The following SNX14 variants were observed in gnomAD, a reference collection of about 807,000 sequenced individuals.
SNX14 encodes the protein sorting nexin-14.
Under a neutral mutation model 133.8 loss-of-function variants are expected in SNX14, and 93 were observed. That is an observed-to-expected ratio of 0.70 (90% confidence interval 0.59 to 0.83). The LOEUF (loss-of-function observed/expected upper bound fraction) is 0.83, where lower values mean the gene tolerates loss of function less well. Among genes scored for constraint, SNX14 ranks in the 40% least tolerant of loss-of-function variants. SNX14 has a pLI of 0.00. For synonymous variants in SNX14, 368 were observed against 365.6 expected (o/e 1.01, Z -0.07); for missense variants, 945 against 1,094.9 (o/e 0.86, Z 1.93).
At chr6:85,511,401 T>C (rs759581305) in intron 26 of SNX14, among the ~76,000 whole-genome samples, 58 of 152,232 alleles carry the variant, frequency 3.8e-4, no homozygotes, top group Non-Finnish European at 6.2e-4. Flanking sequence ...CTATGCTCTT[T>C]ATTTCCTTTT....
At chr6:85,523,791 T>C (rs187014894) in intron 21 of SNX14, among the ~76,000 whole-genome samples, 2 of 150,044 alleles carry the variant, frequency 1.3e-5, no homozygotes, top group East Asian at 4.0e-4. Flanking sequence ...AGTGAGAGCA[T>C]GGGAGAGAAA....
At chr6:85,547,469 G>A (rs1454732879) in intron 10 of SNX14, 37 bp downstream of exon 10, 2 of 1,602,798 alleles carry the variant, frequency 1.2e-6, no homozygotes, top group Admixed American at 3.5e-5. Flanking sequence ...AAAATTCAAT[G>A]CAATCTGAAG....
intron 2 of SNX14, among the ~76,000 whole-genome samples, 196 bp from the exon 3 acceptor site, chr6:85,572,570 A>T (rs1276360511): frequency 6.6e-6 from 1 of 152,244 alleles, no homozygotes; most frequent in Non-Finnish European, 1.5e-5. Context: ...AAAATACCAC[A>T]TGAAATGCCT....
intron 1 of SNX14, among the ~76,000 whole-genome samples, 183 bp from the exon 2 acceptor site, chr6:85,574,561 T>C (rs1297388124): frequency 6.6e-6 from 1 of 152,232 alleles, no homozygotes; most frequent in African/African-American, 2.4e-5. Context: ...TGCTATCAAA[T>C]ACATATTTCA....
intron 5 of SNX14, 121 bp from the exon 6 acceptor site, chr6:85,565,540 A>C: frequency 4.6e-6 from 3 of 645,210 alleles, no homozygotes; most frequent in Non-Finnish European, 8.1e-6. Flanking sequence ...TTTCATTTAC[A>C]AATAATACAT....
At position 85,535,500 on chromosome 6, in the gene SNX14, C is replaced by T. The variant is rs535408956; in HGVS notation, c.1608+1292G>A. On this transcript the variant is annotated intron_variant, in intron 17 of 28. Coordinates refer to ENST00000314673, the MANE Select transcript of SNX14 (RefSeq NM_153816.6). The stretch of plus-strand genomic sequence containing the variant: ...GCATGGTGGCGGGCGCCTGCAACCC[C>T]AGCTACTCAGGAGGCTGAGGCAGGA... 1.1e-4 allele frequency among the ~76,000 whole-genome samples: 16 copies of T among 151,344 alleles called. 1 individual carries two copies. The highest frequency in any genetic ancestry group is 1.1e-3 in the Admixed American group (16 of 15,176).
intron 17 of SNX14, 145 bp from the exon 18 acceptor site, chr6:85,533,945 A>C: frequency 1.4e-6 from 1 of 694,266 alleles, no homozygotes; most frequent in South Asian, 2.2e-5. Context: ...TTTTCTACTG[A>C]AAAAGTAAAG....
At chr6:85,517,223 C>G (rs765674054) in intron 23 of SNX14, among the ~76,000 whole-genome samples, 17 of 152,024 alleles carry the variant, frequency 1.1e-4, no homozygotes, top group Non-Finnish European at 1.9e-4. Flanking sequence ...AGAGTATTAA[C>G]AAAAATAAAA....
At chr6:85,587,158 G>A (rs2128237724) in intron 1 of SNX14, among the ~76,000 whole-genome samples, 1 of 152,026 alleles carries the variant, frequency 6.6e-6, no homozygotes, top group Non-Finnish European at 1.5e-5. Flanking sequence ...AGAATTACAG[G>A]CATGGGCCAC....
At chr6:85,584,537 T>G (rs1280121694) in intron 1 of SNX14, among the ~76,000 whole-genome samples, 1 of 151,780 alleles carries the variant, frequency 6.6e-6, no homozygotes, top group Admixed American at 6.6e-5. Flanking sequence ...ACAAGGAAGT[T>G]AAACAAATTT....
intron 19 of SNX14, 150 bp from the exon 20 acceptor site, chr6:85,528,512 C>T (rs1233748957): frequency 4.3e-6 from 2 of 466,118 alleles, no homozygotes; most frequent in Non-Finnish European, 7.1e-6. Context: ...TTCACAAAAC[C>T]AGAGAGCTTC....
Position 85,547,547 on chromosome 6 carries a change from T to C in SNX14, c.871A>G (p.Thr291Ala), listed in dbSNP as rs1414559119. 2 of 1,598,802 alleles carry C rather than the reference T, an allele frequency of 1.3e-6. No homozygotes were observed. The highest frequency in any genetic ancestry group is 2.7e-5 in the African/African-American group (2 of 74,178). The change falls in exon 10 of 29, where the codon ACT becomes GCT. Residue 291 changes from threonine (T) to alanine (A), a missense_variant. Physicochemically the swap from Thr to Ala is moderately conservative, Grantham distance 58. Coordinates refer to ENST00000314673, the MANE Select transcript of SNX14 (RefSeq NM_153816.6). ...PSLDFLADPD[T>A]VNHLLIIFID... ...AAGATGATAAGCAAATGATTCACAGTATCCTAGTGGAAAATAATAAACATA... is the reference window on the plus strand; with the variant it reads ...AAGATGATAAGCAAATGATTCACAGCATCCTAGTGGAAAATAATAAACATA...
At chr6:85,524,366 G>C (rs1777915836) in intron 21 of SNX14, among the ~76,000 whole-genome samples, 1 of 152,094 alleles carries the variant, frequency 6.6e-6, no homozygotes, top group South Asian at 2.1e-4. Flanking sequence ...TGTAGTGATA[G>C]GACTGAAACA....
intron 20 of SNX14, among the ~76,000 whole-genome samples, chr6:85,527,496 GTCTT>G (rs1778872642): frequency 6.6e-6 from 1 of 151,554 alleles, no homozygotes. Context: ...TAATTTAAAA[GTCTT>G]TCTTTTTGGC....
chr6:85,514,476 AAAAC>A, intron 24 of SNX14, 26 bp downstream of exon 24: 3 of 1,602,816 alleles, frequency 1.9e-6, no homozygotes, highest in Middle Eastern at 1.7e-4. Context: ...AGATGAATGA[AAAAC>A]AAGTCTTAAA....
chr6:85,519,157 C>T (rs1776000643), intron 21 of SNX14, among the ~76,000 whole-genome samples: 1 of 152,092 alleles, frequency 6.6e-6, no homozygotes, highest in African/African-American at 2.4e-5. Flanking sequence ...CATATATAAC[C>T]AAATATTTTG....
intron 18 of SNX14, among the ~76,000 whole-genome samples, 160 bp downstream of exon 18, chr6:85,533,423 CTATGAAGATAACCTAG>C (rs1562252967): frequency 6.6e-6 from 1 of 152,218 alleles, no homozygotes; most frequent in East Asian, 1.9e-4. Flanking sequence ...TTAGTTACTG[CTATGAAGATAACCTAG>C]GACATCCTAA....
At chr6:85,587,072 GT>G (rs1415504151) in intron 1 of SNX14, among the ~76,000 whole-genome samples, 4 of 151,990 alleles carry the variant, frequency 2.6e-5, no homozygotes, top group African/African-American at 4.8e-5. Flanking sequence ...GAGAGACAGT[GT>G]TTTTCTATGT....
chr6:85,548,514 T>C (rs1786540543), intron 8 of SNX14, 138 bp from the exon 9 acceptor site: 2 of 606,844 alleles, frequency 3.3e-6, no homozygotes, highest in Non-Finnish European at 5.5e-6. Flanking sequence ...GCCCTAAAAG[T>C]CTGCATTTCT....
Sources: gnomAD v4.1 joint callset for allele counts (sites outside exome capture counted in the v4.1 genomes callset) on GRCh38, gnomAD v4.1.1 for gene constraint, MANE v1.5 for transcripts, NCBI Gene and HGNC (gene_info 2026-07-23, HGNC 2026-07-21) for gene names.